Variants in GRM7 observed in about 807,000 individuals in gnomAD.
GRM7 encodes the protein metabotropic glutamate receptor 7.
GRM7 carries 35 observed loss-of-function variants against 84.5 expected under a neutral mutation model. The observed-to-expected ratio is 0.41, with a 90% CI of 0.32 to 0.55. The LOEUF is 0.55. GRM7 is among the 20% of genes least tolerant of loss of function. The pLI, the probability that GRM7 is intolerant of heterozygous loss-of-function variation, is 0.19. For synonymous variants in GRM7, 487 were observed against 455.1 expected (o/e 1.07, Z -0.89); for missense variants, 1,003 against 1,194.6 (o/e 0.84, Z 2.36).
intron 1 of GRM7, among the ~76,000 whole-genome samples, chr3:7,030,052 A>G (rs1314497450): frequency 6.6e-6 from 1 of 152,228 alleles, no homozygotes; most frequent in African/African-American, 2.4e-5. Flanking sequence ...ATATCTACCA[A>G]CAGGTAAATG....
At chr3:7,589,005 A>T (rs888884371) in intron 8 of GRM7, among the ~76,000 whole-genome samples, 1 of 152,222 alleles carries the variant, frequency 6.6e-6, no homozygotes, top group Non-Finnish European at 1.5e-5. Context: ...TTTAGCATCA[A>T]GGCCAGATAT....
At chr3:7,191,075 T>C (rs926794738) in intron 2 of GRM7, among the ~76,000 whole-genome samples, 1 of 152,148 alleles carries the variant, frequency 6.6e-6, no homozygotes, top group African/African-American at 2.4e-5. Flanking sequence ...CTTTTAAAAA[T>C]TTTATTTAGA....
chr3:6,901,604 T>TAAAAAAAAAAAAAAAAAAAAAA (rs33945077), intron 1 of GRM7, among the ~76,000 whole-genome samples: 9 of 40,494 alleles, frequency 2.2e-4, no homozygotes, highest in East Asian at 4.5e-3. Flanking sequence ...AGACTCCGTC[T>TAAAAAAAAAAAAAAAAAAAAAA]AAAAAAAAAA....
chr3:7,032,940 G>A (rs1041532982), intron 1 of GRM7, among the ~76,000 whole-genome samples: 27 of 152,156 alleles, frequency 1.8e-4, no homozygotes, highest in African/African-American at 5.1e-4. Flanking sequence ...TAGTTCTCAA[G>A]GATTGCCATA....
intron 7 of GRM7, among the ~76,000 whole-genome samples, chr3:7,472,224 T>A (rs1410918488): frequency 6.6e-6 from 1 of 152,194 alleles, no homozygotes; most frequent in Non-Finnish European, 1.5e-5. Context: ...GATTTTTCCA[T>A]ATATCACAAT....
At chr3:6,959,996 T>C (rs1433210020) in intron 1 of GRM7, among the ~76,000 whole-genome samples, 2 of 152,194 alleles carry the variant, frequency 1.3e-5, no homozygotes, top group African/African-American at 4.8e-5. Context: ...GTCAGACTAA[T>C]AGAAGATTAG....
intron 2 of GRM7, among the ~76,000 whole-genome samples, chr3:7,181,251 T>A (rs1006612609): frequency 1.2e-4 from 18 of 152,194 alleles, no homozygotes; most frequent in Non-Finnish European, 5.9e-5. Flanking sequence ...TCACTTATAA[T>A]GCCATATCTT....
At chr3:7,211,368 T>C (rs1696421953) in intron 2 of GRM7, among the ~76,000 whole-genome samples, 1 of 152,194 alleles carries the variant, frequency 6.6e-6, no homozygotes, top group Non-Finnish European at 1.5e-5. Context: ...TGTGTACCTT[T>C]AATAGCACCC....
intron 1 of GRM7, among the ~76,000 whole-genome samples, chr3:6,866,683 C>T (rs1257996325): frequency 6.6e-6 from 1 of 152,196 alleles, no homozygotes; most frequent in East Asian, 1.9e-4. Flanking sequence ...TGGCAGCAAG[C>T]TATAGCTTTC....
intron 2 of GRM7, among the ~76,000 whole-genome samples, chr3:7,265,046 A>G (rs1425933055): frequency 6.6e-6 from 1 of 152,190 alleles, no homozygotes; most frequent in Non-Finnish European, 1.5e-5. Context: ...TCACTTGTAC[A>G]CCCCTTAGCA....
chr3:7,661,522 C>T (rs1047608469), intron 8 of GRM7, among the ~76,000 whole-genome samples: 14 of 152,130 alleles, frequency 9.2e-5, no homozygotes, highest in African/African-American at 2.2e-4. Flanking sequence ...TGGCCGGGCG[C>T]GGTGGCTCAC....
intron 1 of GRM7, among the ~76,000 whole-genome samples, chr3:6,873,941 A>G (rs186264826): frequency 6.6e-6 from 1 of 152,352 alleles, no homozygotes; most frequent in Admixed American, 6.5e-5. Context: ...TGAAATATTC[A>G]TACATCAGAA....
At chr3:7,702,240 T>G (rs539619813) in intron 9 of GRM7, among the ~76,000 whole-genome samples, 1 of 152,214 alleles carries the variant, frequency 6.6e-6, no homozygotes, top group East Asian at 1.9e-4. Context: ...AATTTTAATG[T>G]CCATACCATC....
intron 5 of GRM7, among the ~76,000 whole-genome samples, chr3:7,426,395 C>A (rs1422358798): frequency 6.6e-6 from 1 of 152,148 alleles, no homozygotes; most frequent in Non-Finnish European, 1.5e-5. Flanking sequence ...CTATCTCATA[C>A]TCCTGGGACT....
intron 2 of GRM7, among the ~76,000 whole-genome samples, chr3:7,166,031 C>T (rs1164025850): frequency 6.6e-6 from 1 of 152,082 alleles, no homozygotes; most frequent in African/African-American, 2.4e-5. Context: ...CTTACTATTA[C>T]TTATAATATG....
At chr3:7,677,657 C>T (rs1482750917) in intron 8 of GRM7, among the ~76,000 whole-genome samples, 2 of 152,150 alleles carry the variant, frequency 1.3e-5, no homozygotes, top group Non-Finnish European at 2.9e-5. Flanking sequence ...TCTTGATGGT[C>T]TCTAGTTTAA....
chr3:7,666,189 A>G (rs1699693039), intron 8 of GRM7, among the ~76,000 whole-genome samples: 1 of 152,230 alleles, frequency 6.6e-6, no homozygotes, highest in Non-Finnish European at 1.5e-5. Flanking sequence ...ACATTTCTTC[A>G]TCAGAGAAAA....
chr3:6,929,795 G>C (rs961820623), intron 1 of GRM7, among the ~76,000 whole-genome samples: 1 of 151,896 alleles, frequency 6.6e-6, no homozygotes, highest in Non-Finnish European at 1.5e-5. Flanking sequence ...GTGTAGGGAA[G>C]GTGAAAGATG....
intron 9 of GRM7, among the ~76,000 whole-genome samples, chr3:7,733,827 A>G (rs1702406095): frequency 6.6e-6 from 1 of 152,142 alleles, no homozygotes. Flanking sequence ...ACCTTTGGAA[A>G]CAAAGTATAC....
Sources: gnomAD v4.1 joint callset for allele counts (sites outside exome capture counted in the v4.1 genomes callset) on GRCh38, gnomAD v4.1.1 for gene constraint, MANE v1.5 for transcripts, NCBI Gene and HGNC (gene_info 2026-07-23, HGNC 2026-07-21) for gene names.